CUBN: variants seen among roughly 807,000 people sequenced by gnomAD.
CUBN encodes 460 kDa receptor.
Under a neutral mutation model 405.3 loss-of-function variants are expected in CUBN, and 282 were observed. That is an observed-to-expected ratio of 0.70 (90% confidence interval 0.63 to 0.77). The LOEUF is 0.77. CUBN is among the 30% of genes least tolerant of loss of function. CUBN has a pLI of 0.00. For missense variants in CUBN, 4,514 were observed against 4,475.2 expected, an observed-to-expected ratio of 1.01 and a Z score of -0.25; for synonymous variants, 1,684 against 1,617.0, an observed-to-expected ratio of 1.04 and a Z score of -0.99.
At chr10:17,038,446 G>A (rs1464031509) in intron 27 of CUBN, among the ~76,000 whole-genome samples, 2 of 152,188 alleles carry the variant, frequency 1.3e-5, no homozygotes, top group Non-Finnish European at 2.9e-5. Flanking sequence ...GTTTTGCCCA[G>A]AGGGTGAAAT....
chr10:16,957,868 T>C (rs1284430253), intron 31 of CUBN, among the ~76,000 whole-genome samples: 6 of 147,860 alleles, frequency 4.1e-5, no homozygotes, highest in Non-Finnish European at 8.9e-5. Flanking sequence ...AGTGGAACAA[T>C]GGGTTCTATG....
chr10:16,929,280 G>C (rs1364187159), intron 40 of CUBN, among the ~76,000 whole-genome samples: 1 of 152,056 alleles, frequency 6.6e-6, no homozygotes, highest in Non-Finnish European at 1.5e-5. Flanking sequence ...CTTTCATCTT[G>C]ATTATCTTGG....
At chr10:17,039,897 G>A (rs1242691269) in intron 27 of CUBN, among the ~76,000 whole-genome samples, 1 of 152,158 alleles carries the variant, frequency 6.6e-6, no homozygotes, top group Non-Finnish European at 1.5e-5. Flanking sequence ...CTTATAGTTA[G>A]GACCTCACAG....
chr10:16,831,239 G>A lies in CUBN; in HGVS notation c.10528+13C>T, dbSNP rs1588566492. 1 of 1,613,014 alleles carries A rather than the reference G, an allele frequency of 6.2e-7. No individual in the cohort carries two copies. The highest frequency in any genetic ancestry group is 8.5e-7 in the Non-Finnish European group (1 of 1,178,952). ...CTCACAGTGCTTTCCTGTACAAAGT[G>A]CAAATGTCTTACCAGAGGGTGATGA... On this transcript the variant is annotated intron_variant, in intron 65 of 66. Coordinates refer to ENST00000377833, the MANE Select transcript of CUBN (RefSeq NM_001081.4).
chr10:16,936,433 A>G (rs185007913), intron 39 of CUBN, among the ~76,000 whole-genome samples: 5 of 152,318 alleles, frequency 3.3e-5, no homozygotes, highest in Admixed American at 2.6e-4. Flanking sequence ...AGAGGTAGGA[A>G]CAACATTTCA....
chr10:16,972,483 G>A (rs780465212), intron 31 of CUBN, among the ~76,000 whole-genome samples: 4 of 151,258 alleles, frequency 2.6e-5, no homozygotes, highest in Non-Finnish European at 5.9e-5. Context: ...TGTCACCCAG[G>A]CTGGAGTACA....
chr10:17,122,743 T>G (rs1837071983), intron 6 of CUBN, 52 bp downstream of exon 6: 1 of 1,060,532 alleles, frequency 9.4e-7, no homozygotes, highest in Non-Finnish European at 1.4e-6. Context: ...ATGGGATGTT[T>G]TAGGCCTTCA....
At chr10:16,921,119 A>G (rs1443211867) in intron 43 of CUBN, among the ~76,000 whole-genome samples, 1 of 152,204 alleles carries the variant, frequency 6.6e-6, no homozygotes, top group Non-Finnish European at 1.5e-5. Flanking sequence ...ACAGCCAAGC[A>G]ATTCACCCAT....
At chr10:17,042,287 T>C (rs574732594) in intron 26 of CUBN, among the ~76,000 whole-genome samples, 15 of 152,248 alleles carry the variant, frequency 9.9e-5, no homozygotes, top group African/African-American at 3.6e-4. Context: ...TGTGAGAAGG[T>C]ACACCTATTA....
chr10:17,129,206 C>T lies in CUBN; in HGVS notation c.167G>A (p.Gly56Glu). 1.9e-6 allele frequency: 3 copies of T among 1,613,622 alleles called. No homozygotes were observed. The highest frequency in any genetic ancestry group is 2.5e-6 in the Non-Finnish European group (3 of 1,179,626). The change falls in exon 2 of 67, where the codon GGG becomes GAG. Residue 56 changes from glycine (G) to glutamate (E), a missense_variant. Around this residue, in one of 5 missense-constraint regions of CUBN, gnomAD observed 1,448 missense variants for 1,388.0 expected, o/e 1.04. Transcript: ENST00000377833. ...TCTAAACTCAATGTTTTGAGCAGAC[C>T]CCGTAAGAAACACCAAATTTCCTCT... ...TERGNLVFLT[G>E]SAQNIEFRTG...
chr10:17,118,629 G>T (rs539272290), intron 6 of CUBN, among the ~76,000 whole-genome samples: 1 of 152,230 alleles, frequency 6.6e-6, no homozygotes, highest in African/African-American at 2.4e-5. Flanking sequence ...TAGAGACAGG[G>T]TTTCACCATG....
At chr10:17,063,208 T>C (rs1000483335) in intron 22 of CUBN, among the ~76,000 whole-genome samples, 6 of 152,184 alleles carry the variant, frequency 3.9e-5, no homozygotes, top group Non-Finnish European at 8.8e-5. Flanking sequence ...TCCAGAATTA[T>C]AAACAGAAGG....
At chr10:16,935,889 A>AG (rs1842488428) in intron 39 of CUBN, among the ~76,000 whole-genome samples, 1 of 150,932 alleles carries the variant, frequency 6.6e-6, no homozygotes, top group Non-Finnish European at 1.5e-5. Flanking sequence ...CAAAAAAAAA[A>AG]AAAAAAAGAA....
chr10:17,125,291 TA>T (rs894831588), intron 4 of CUBN, among the ~76,000 whole-genome samples: 20 of 151,508 alleles, frequency 1.3e-4, no homozygotes, highest in East Asian at 1.2e-3. Context: ...CAGTGACTCA[TA>T]AAAAAAAATT....
intron 31 of CUBN, among the ~76,000 whole-genome samples, chr10:16,977,417 G>A (rs537716683): frequency 6.6e-6 from 1 of 152,270 alleles, no homozygotes; most frequent in Admixed American, 6.5e-5. Context: ...GAGAAGAGAA[G>A]GAGCATCTGA....
intron 10 of CUBN, among the ~76,000 whole-genome samples, chr10:17,106,151 G>A (rs1353888261): frequency 6.6e-6 from 1 of 151,888 alleles, no homozygotes; most frequent in Admixed American, 6.6e-5. Flanking sequence ...CAGGCATGGT[G>A]GCACACGCCT....
chr10:16,878,984 T>C (rs779317802), intron 56 of CUBN, among the ~76,000 whole-genome samples: 2 of 152,266 alleles, frequency 1.3e-5, no homozygotes, highest in African/African-American at 2.4e-5. Flanking sequence ...ATTTGGTTTG[T>C]TTCCACCTTT....
chr10:16,923,402 C>T (rs1842093714), intron 43 of CUBN, among the ~76,000 whole-genome samples: 1 of 151,964 alleles, frequency 6.6e-6, no homozygotes, highest in South Asian at 2.1e-4. Context: ...ACAAAAGGAC[C>T]TAGGTTAAAG....
At chr10:17,052,335 A>G (rs1212722375) in intron 22 of CUBN, among the ~76,000 whole-genome samples, 1 of 152,234 alleles carries the variant, frequency 6.6e-6, no homozygotes, top group African/African-American at 2.4e-5. Flanking sequence ...TATCTCCAAG[A>G]AGGAATGAAG....
Sources: gnomAD v4.1 joint callset for allele counts (sites outside exome capture counted in the v4.1 genomes callset) on GRCh38, gnomAD v4.1.1 for gene constraint, gnomAD v4.1.1 regional missense constraint, MANE v1.5 for transcripts, NCBI Gene and HGNC (gene_info 2026-07-23, HGNC 2026-07-21) for gene names.